Variants in PALLD observed in about 807,000 individuals in gnomAD.
PALLD encodes palladin, cytoskeletal associated protein, also known as palladin.
PALLD carries 61 observed loss-of-function variants against 123.5 expected under a neutral mutation model. That is an observed-to-expected ratio of 0.49 (90% CI 0.40 to 0.61). The LOEUF is 0.61. PALLD is among the 20% of genes least tolerant of loss of function. PALLD has a pLI of 0.00. For synonymous variants in PALLD, 465 were observed against 496.4 expected (o/e 0.94, Z 0.84); for missense variants, 1,273 against 1,377.0 (o/e 0.92, Z 1.20).
intron 2 of PALLD, among the ~76,000 whole-genome samples, chr4:168,616,454 G>A (rs1774231987): frequency 6.6e-6 from 1 of 152,110 alleles, no homozygotes; most frequent in African/African-American, 2.4e-5. Context: ...TTTCAGTCAG[G>A]GAACTCCACT....
intron 17 of PALLD, among the ~76,000 whole-genome samples, chr4:168,921,116 C>T (rs1460740685): frequency 2.0e-5 from 3 of 151,982 alleles, no homozygotes; most frequent in Non-Finnish European, 4.4e-5. Flanking sequence ...TACTAAAAGC[C>T]ATCTCTTGGC....
intron 10 of PALLD, among the ~76,000 whole-genome samples, chr4:168,790,667 T>G (rs1737386879): frequency 6.6e-6 from 1 of 152,216 alleles, no homozygotes; most frequent in Non-Finnish European, 1.5e-5. Flanking sequence ...GTCCTCTATG[T>G]CTTCACTTTA....
chr4:168,605,075 T>C (rs1773035122), intron 2 of PALLD, among the ~76,000 whole-genome samples: 1 of 152,154 alleles, frequency 6.6e-6, no homozygotes, highest in Non-Finnish European at 1.5e-5. Context: ...GCCCCTCTGG[T>C]GCAGAGTGTG....
At chr4:168,891,399 G>T (rs1008961243) in intron 11 of PALLD, among the ~76,000 whole-genome samples, 1 of 152,134 alleles carries the variant, frequency 6.6e-6, no homozygotes, top group Non-Finnish European at 1.5e-5. Context: ...GAGCTCAGGC[G>T]ATCTGCCCGC....
chr4:168,764,948 C>T (rs971823306), intron 10 of PALLD, among the ~76,000 whole-genome samples: 3 of 152,158 alleles, frequency 2.0e-5, no homozygotes, highest in Admixed American at 6.5e-5. Context: ...AACTTTTTCT[C>T]ATTTGAATCG....
Position 168,896,745 on chromosome 4 carries a change from T to A in PALLD, c.2250+146T>A. 5.1e-6 allele frequency: 3 copies of A among 590,610 alleles called. No homozygotes were observed. The Middle Eastern group carries it at 7.7e-4, about 152-fold the overall frequency. The allele number at this position is 590,610 out of a possible 1,614,324, so 36.6% of individuals were successfully genotyped here. On this transcript the variant is annotated intron_variant, in intron 13 of 21. Coordinates refer to ENST00000505667, the MANE Select transcript of PALLD (RefSeq NM_001166108.2). ...AGTGTCTGTTTCATTTAATATCAGATACACAAAATTACTGCAACATGAGTT... is the reference window on the plus strand; with the variant it reads ...AGTGTCTGTTTCATTTAATATCAGAAACACAAAATTACTGCAACATGAGTT...
chr4:168,690,451 GAGTCAGTGCTA>G, intron 6 of PALLD, 141 bp from the exon 7 acceptor site: 1 of 928,298 alleles, frequency 1.1e-6, no homozygotes, highest in Non-Finnish European at 1.8e-6. Flanking sequence ...ATCCTTACCT[GAGTCAGTGCTA>G]ATTATTTGAT....
In PALLD at chr4:168,848,424, G is replaced by A. The variant is rs548767552; in HGVS notation, c.1965-42498G>A. Among the ~76,000 whole-genome samples, 30 of 152,290 alleles carry A rather than the reference G, an allele frequency of 2.0e-4. 1 individual carries two copies. In the South Asian group the frequency reaches 5.2e-3, roughly 26 times the overall value. On this transcript the variant is annotated intron_variant, in intron 10 of 21. Coordinates refer to ENST00000505667, the MANE Select transcript of PALLD (RefSeq NM_001166108.2). Reference sequence around the variant, plus strand: ...TTCAGTGCCTGTCAGCCCAGAGAGTGTGCCGAATGCACTGGCCATCTTAGA... The same window carrying A: ...TTCAGTGCCTGTCAGCCCAGAGAGTATGCCGAATGCACTGGCCATCTTAGA...
chr4:168,911,035 T>C (rs1758841803), intron 15 of PALLD, among the ~76,000 whole-genome samples: 1 of 152,184 alleles, frequency 6.6e-6, no homozygotes, highest in Admixed American at 6.5e-5. Context: ...TATGAGGAAT[T>C]TAATAATGAT....
intron 10 of PALLD, among the ~76,000 whole-genome samples, chr4:168,795,463 T>C (rs187637755): frequency 1.3e-5 from 2 of 152,354 alleles, no homozygotes; most frequent in Admixed American, 1.3e-4. Flanking sequence ...ATTATATTGG[T>C]TGCTGTCAAC....
Position 168,699,373 on chromosome 4 carries a change from C to G in PALLD, c.1501+8081C>G, listed in dbSNP as rs148420566. On this transcript the variant is annotated intron_variant, in intron 8 of 21. Transcript: ENST00000505667. ...GGATTACAGGCGTGAGTTACTGCAC[C>G]CAGCCTCCTGTGCAAATATTGATAC... 5.6e-3 allele frequency among the ~76,000 whole-genome samples: 852 copies of G among 152,262 alleles called. 5 individuals are homozygous for G. Among genetic ancestry groups the G allele is most frequent in the African/African-American group, 0.02 (811 of 41,548 alleles).
intron 2 of PALLD, among the ~76,000 whole-genome samples, chr4:168,514,009 G>A: frequency 6.6e-6 from 1 of 152,060 alleles, no homozygotes; most frequent in Non-Finnish European, 1.5e-5. Flanking sequence ...AAGAGGCTGA[G>A]GCACAAGAAT....
chr4:168,695,053 C>A (rs1052966978), intron 8 of PALLD, among the ~76,000 whole-genome samples: 3 of 152,144 alleles, frequency 2.0e-5, no homozygotes, highest in African/African-American at 7.2e-5. Context: ...TGTCTAATAG[C>A]GTGCAAAATT....
intron 2 of PALLD, among the ~76,000 whole-genome samples, chr4:168,586,999 C>T (rs574419218): frequency 2.0e-5 from 3 of 152,272 alleles, no homozygotes; most frequent in Admixed American, 2.0e-4. Flanking sequence ...GCTCAGAAGA[C>T]ATTTGTCAAT....
At chr4:168,909,164 GAAC>G (rs1404049120) in intron 15 of PALLD, among the ~76,000 whole-genome samples, 6 of 152,184 alleles carry the variant, frequency 3.9e-5, no homozygotes, top group African/African-American at 1.4e-4. Flanking sequence ...CTATCTTTAA[GAAC>G]AACGACATCT....
chr4:168,642,024 G>A (rs945428290), intron 2 of PALLD, among the ~76,000 whole-genome samples: 3 of 152,134 alleles, frequency 2.0e-5, no homozygotes, highest in African/African-American at 4.8e-5. Flanking sequence ...TTGTGTCTTC[G>A]TCTCCTTTCA....
intron 13 of PALLD, among the ~76,000 whole-genome samples, chr4:168,897,610 C>T (rs987098749): frequency 6.6e-6 from 1 of 152,068 alleles, no homozygotes; most frequent in African/African-American, 2.4e-5. Flanking sequence ...CCATGCCCAG[C>T]TACTGTTCTT....
intron 10 of PALLD, among the ~76,000 whole-genome samples, chr4:168,870,028 G>A (rs1428287087): frequency 6.6e-6 from 1 of 152,194 alleles, no homozygotes; most frequent in African/African-American, 2.4e-5. Flanking sequence ...ACTGTCAGAG[G>A]CTGCAGAGAT....
intron 17 of PALLD, among the ~76,000 whole-genome samples, chr4:168,918,079 G>A (rs192308068): frequency 6.6e-6 from 1 of 151,878 alleles, no homozygotes; most frequent in African/African-American, 2.4e-5. Flanking sequence ...TGCATCTGTA[G>A]TCCCAGCTAC....
Sources: gnomAD v4.1 joint callset for allele counts (sites outside exome capture counted in the v4.1 genomes callset) on GRCh38, gnomAD v4.1.1 for gene constraint, MANE v1.5 for transcripts, NCBI Gene and HGNC (gene_info 2026-07-23, HGNC 2026-07-21) for gene names.